Variants in GBP7 observed in about 807,000 individuals in gnomAD.
The protein encoded by GBP7 is guanylate binding protein 7.
Under a neutral mutation model 61.3 loss-of-function variants are expected in GBP7, and 43 were observed. The observed-to-expected ratio is 0.70, with a 90% CI of 0.55 to 0.91. The LOEUF (loss-of-function observed/expected upper bound fraction) is 0.91, where lower values mean the gene tolerates loss of function less well. Ranked by LOEUF, GBP7 falls within the 40% of genes least tolerant of loss-of-function variation. The pLI is 0.00. For synonymous variants in GBP7, 267 were observed against 271.0 expected, an observed-to-expected ratio of 0.99 and a Z score of 0.14; for missense variants, 717 against 740.5, an observed-to-expected ratio of 0.97 and a Z score of 0.37.
At chr1:89,165,736 G>C (rs1647407405) in intron 2 of GBP7, among the ~76,000 whole-genome samples, 1 of 151,828 alleles carries the variant, frequency 6.6e-6, no homozygotes, top group Non-Finnish European at 1.5e-5. Context: ...CATGGACACA[G>C]GGAGGGGAAC....
intron 3 of GBP7, among the ~76,000 whole-genome samples, chr1:89,156,835 C>T: frequency 6.6e-6 from 1 of 152,196 alleles, no homozygotes; most frequent in Non-Finnish European, 1.5e-5. Context: ...AGTAATTGAA[C>T]TCAGCTCTGC....
chr1:89,171,177 G>C (rs939288461), intron 2 of GBP7, among the ~76,000 whole-genome samples: 5 of 152,102 alleles, frequency 3.3e-5, no homozygotes, highest in African/African-American at 1.2e-4. Context: ...CTCAAGATAT[G>C]GTAGTCAAAT....
chr1:89,159,204 A>T (rs1682380102), intron 3 of GBP7, among the ~76,000 whole-genome samples: 1 of 152,186 alleles, frequency 6.6e-6, no homozygotes, highest in Admixed American at 6.5e-5. Flanking sequence ...CTTATAAAAA[A>T]ATTAATTGAA....
At chr1:89,163,245 C>T (rs1182104009) in intron 3 of GBP7, among the ~76,000 whole-genome samples, 3 of 152,086 alleles carry the variant, frequency 2.0e-5, no homozygotes, top group Non-Finnish European at 2.9e-5. Flanking sequence ...GTATCTCTTC[C>T]AGGTTTTGGT....
At chr1:89,152,499 A>G (rs1682227326) in intron 4 of GBP7, 35 bp from the exon 5 acceptor site, 1 of 1,592,522 alleles carries the variant, frequency 6.3e-7, no homozygotes, top group Non-Finnish European at 8.6e-7. Context: ...AGCACCCTAC[A>G]CCATCATTTC....
intron 3 of GBP7, among the ~76,000 whole-genome samples, chr1:89,156,538 A>C (rs1682319121): frequency 6.6e-6 from 1 of 152,188 alleles, no homozygotes; most frequent in Non-Finnish European, 1.5e-5. Flanking sequence ...AACAAACAAA[A>C]AAAGCGGGGG....
At chr1:89,173,395 C>A (rs925456259) in intron 1 of GBP7, among the ~76,000 whole-genome samples, 1 of 152,168 alleles carries the variant, frequency 6.6e-6, no homozygotes, top group Non-Finnish European at 1.5e-5. Context: ...TGAGCTTATT[C>A]AAGCTTTTGA....
intron 3 of GBP7, among the ~76,000 whole-genome samples, chr1:89,159,627 G>A (rs1682390159): frequency 6.6e-6 from 1 of 152,148 alleles, no homozygotes; most frequent in South Asian, 2.1e-4. Context: ...ATCATCACTG[G>A]CCATCAGAGA....
chr1:89,140,991 A>T (rs1412710943), intron 9 of GBP7, among the ~76,000 whole-genome samples: 1 of 152,174 alleles, frequency 6.6e-6, no homozygotes, highest in Non-Finnish European at 1.5e-5. Flanking sequence ...AGTGGGAACT[A>T]AATATTGAGT....
At chr1:89,157,044 A>C (rs1682333814) in intron 3 of GBP7, among the ~76,000 whole-genome samples, 1 of 152,260 alleles carries the variant, frequency 6.6e-6, no homozygotes, top group Non-Finnish European at 1.5e-5. Context: ...CTCAGGATTA[A>C]GAAACTCACT....
Position 89,150,337 on chromosome 1 carries a change from A to G in GBP7, c.864T>C (p.Thr288=), listed in dbSNP as rs1399896235. 1.2e-6 allele frequency: 2 copies of G among 1,612,778 alleles called. No homozygotes were observed. The highest frequency in any genetic ancestry group is 2.2e-5 in the South Asian group (2 of 91,066). The change falls in exon 6 of 11, where the codon ACT becomes ACC. Residue 288 remains threonine, a synonymous_variant. Transcript: ENST00000294671. ...TKTLREGILV[T]GNRLGMLVET... is the part of the protein sequence containing the mutation. Reference sequence around the variant, plus strand: ...ATAGGGAAATAGACTCACGGTTTCCAGTGACAAGGATTCCCTCTCTCAGGG... The same window carrying G: ...ATAGGGAAATAGACTCACGGTTTCCGGTGACAAGGATTCCCTCTCTCAGGG...
chr1:89,154,109 A>G (rs4233336), intron 3 of GBP7, among the ~76,000 whole-genome samples: 105,654 of 152,108 alleles, frequency 0.69, 36,792 homozygotes, highest in East Asian at 0.8. Flanking sequence ...TTCCAAGGCC[A>G]ACAAGTAATT....
intron 3 of GBP7, among the ~76,000 whole-genome samples, chr1:89,158,278 G>A (rs1174908423): frequency 6.6e-6 from 1 of 152,206 alleles, no homozygotes; most frequent in Non-Finnish European, 1.5e-5. Context: ...AAAACTGGAA[G>A]CATTCCCTTT....
At position 89,150,436 on chromosome 1, in the gene GBP7, GTCT is replaced by G. The variant is rs1682166303; in HGVS notation, c.762_764del (p.Glu254del). 1 of 1,613,850 alleles carries G rather than the reference GTCT, an allele frequency of 6.2e-7. No individual in the cohort carries two copies. Among genetic ancestry groups the G allele is most frequent in the African/African-American group, 1.3e-5 (1 of 74,910 alleles). ...GCATCTGGAAATTACTATCCAGTTGGTCTTCTCGTACTTCTTCAACATGGAGTA... is the reference window on the plus strand; with the variant it reads ...GCATCTGGAAATTACTATCCAGTTGGTCTCGTACTTCTTCAACATGGAGTA... On this transcript the variant is annotated inframe_deletion, in exon 6 of 11. Coordinates refer to ENST00000294671, the MANE Select transcript of GBP7 (RefSeq NM_207398.3).
intron 8 of GBP7, 86 bp downstream of exon 8, chr1:89,147,481 T>C: frequency 9.9e-7 from 1 of 1,005,124 alleles, no homozygotes; most frequent in Non-Finnish European, 1.6e-6. Context: ...CGATAAATGG[T>C]GCTGTGTTCT....
chr1:89,142,932 A>G (rs1681986333), intron 8 of GBP7, among the ~76,000 whole-genome samples: 1 of 152,202 alleles, frequency 6.6e-6, no homozygotes, highest in Non-Finnish European at 1.5e-5. Context: ...TGAATACACT[A>G]GTTTACTTGT....
At chr1:89,168,744 G>C (rs1647510809) in intron 2 of GBP7, among the ~76,000 whole-genome samples, 1 of 151,918 alleles carries the variant, frequency 6.6e-6, no homozygotes. Context: ...AGACCAGCCT[G>C]ACCAACATGG....
At chr1:89,148,099 A>C (rs1226501972) in intron 7 of GBP7, among the ~76,000 whole-genome samples, 2 of 152,242 alleles carry the variant, frequency 1.3e-5, no homozygotes, top group African/African-American at 4.8e-5. Context: ...AAATGTGCAC[A>C]CAGAAAATCA....
intron 2 of GBP7, among the ~76,000 whole-genome samples, chr1:89,167,766 C>T (rs1162379092): frequency 3.9e-5 from 6 of 152,170 alleles, no homozygotes; most frequent in Non-Finnish European, 8.8e-5. Context: ...ACAACTAAGG[C>T]AATGACTGTC....
Sources: allele counts gnomAD v4.1 joint callset (sites outside exome capture counted in the v4.1 genomes callset), GRCh38; gene constraint gnomAD v4.1.1; transcripts MANE v1.5; gene names NCBI Gene and HGNC (gene_info 2026-07-23, HGNC 2026-07-21).